The following RAB28 variants were observed in gnomAD, a reference collection of about 807,000 sequenced individuals.
The protein encoded by RAB28 is ras-related protein Rab-28.
A neutral mutation model predicts 31.7 loss-of-function variants in RAB28; 24 were observed. The ratio of observed to expected loss-of-function variants is 0.76; its 90% confidence interval spans 0.55 to 1.06. RAB28 has a LOEUF of 1.06. Among genes scored for constraint, RAB28 ranks in the 50% least tolerant of loss-of-function variants. The pLI is 0.00. For missense variants in RAB28, 254 were observed against 258.5 expected, an observed-to-expected ratio of 0.98 and a Z score of 0.12; for synonymous variants, 100 against 90.4, an observed-to-expected ratio of 1.11 and a Z score of -0.60.
At chr4:13,370,632 T>G in intron 6 of RAB28, 4 of 984,636 alleles carry the variant, frequency 4.1e-6, no homozygotes, top group Non-Finnish European at 4.8e-6. Flanking sequence ...ATATGCCATT[T>G]ACAATTTTTA....
At chr4:13,446,217 A>G (rs534203812) in intron 4 of RAB28, among the ~76,000 whole-genome samples, 1 of 151,898 alleles carries the variant, frequency 6.6e-6, no homozygotes, top group Non-Finnish European at 1.5e-5. Context: ...CCCCTCCCCC[A>G]ACCAAACTTG....
intron 4 of RAB28, among the ~76,000 whole-genome samples, chr4:13,447,399 C>T (rs565486114): frequency 2.6e-5 from 4 of 152,122 alleles, no homozygotes; most frequent in African/African-American, 4.8e-5. Context: ...GCCCTGCCTG[C>T]GCCTTAGTTT....
At chr4:13,396,131 G>A (rs1402897346) in intron 4 of RAB28, among the ~76,000 whole-genome samples, 1 of 151,940 alleles carries the variant, frequency 6.6e-6, no homozygotes, top group Non-Finnish European at 1.5e-5. Flanking sequence ...CTTAAAAGAA[G>A]TAAAAGCAAA....
chr4:13,375,767 A>G lies in RAB28; in HGVS notation c.573+778T>C, dbSNP rs1166619403. On this transcript the variant is annotated intron_variant, in intron 6 of 6. Coordinates refer to ENST00000330852, the MANE Select transcript of RAB28 (RefSeq NM_001017979.3). ...TCAAATATTTGCTTCAATTGTTTTA[A>G]AACACACACACACACACACACACAC... Among the ~76,000 whole-genome samples the G allele has an allele frequency of 2.1e-5, 3 of 146,080 alleles. No individual in the cohort carries two copies. The East Asian group carries it at 5.8e-4, about 28-fold the overall frequency.
intron 3 of RAB28, among the ~76,000 whole-genome samples, chr4:13,466,136 G>A (rs1428883353): frequency 6.6e-6 from 1 of 151,850 alleles, no homozygotes; most frequent in Non-Finnish European, 1.5e-5. Context: ...AATGTATGGA[G>A]GAAAACTACA....
At chr4:13,398,491 A>G (rs998308097) in intron 4 of RAB28, among the ~76,000 whole-genome samples, 8 of 152,300 alleles carry the variant, frequency 5.3e-5, no homozygotes, top group African/African-American at 1.9e-4. Flanking sequence ...CCACAGTAAG[A>G]CTGTCGGCCG....
chr4:13,478,496 T>C (rs1289929398), intron 2 of RAB28, among the ~76,000 whole-genome samples: 8 of 151,392 alleles, frequency 5.3e-5, no homozygotes, highest in Non-Finnish European at 8.9e-5. Flanking sequence ...AGTTGTCTGA[T>C]AGATGGGGTG....
rs570892252 is a variant in RAB28 at position 13,426,297 on chromosome 4, C to T, written c.391+34402G>A. 2.6e-5 allele frequency among the ~76,000 whole-genome samples: 4 copies of T among 152,230 alleles called. No individual in the cohort carries two copies. In the South Asian group the frequency reaches 8.3e-4, roughly 32 times the overall value. ...TCTTAGTCTCAGGTTACCACCTCAT[C>T]TCATCCAATTTTATAAGCTTCACAT... On this transcript the variant is annotated intron_variant, in intron 4 of 6. Transcript: ENST00000330852.
At chr4:13,405,341 A>C (rs946860689) in intron 4 of RAB28, among the ~76,000 whole-genome samples, 2 of 152,226 alleles carry the variant, frequency 1.3e-5, no homozygotes, top group Admixed American at 6.5e-5. Context: ...AAGCTGAAAC[A>C]ATAAACATAC....
intron 4 of RAB28, among the ~76,000 whole-genome samples, chr4:13,397,724 C>G (rs529202700): frequency 5.5e-4 from 84 of 152,188 alleles, no homozygotes; most frequent in African/African-American, 1.9e-3. Context: ...CTAAACATGT[C>G]ATGAAACTTG....
chr4:13,427,484 G>A (rs116695524), intron 4 of RAB28, among the ~76,000 whole-genome samples: 126 of 152,262 alleles, frequency 8.3e-4, no homozygotes, highest in African/African-American at 2.8e-3. Context: ...GAGAAAACAA[G>A]GAGAGTATGT....
Position 13,484,320 on chromosome 4 carries a change from G to A in RAB28, c.-170C>T, listed in dbSNP as rs1243873338. 8.3e-6 allele frequency: 5 copies of A among 605,780 alleles called. No homozygotes were observed. The East Asian group carries it at 8.7e-5, about 11-fold the overall frequency. The allele number at this position is 605,780 out of a possible 1,614,324, so 37.5% of individuals were successfully genotyped here. ...AGAATCACTCGGCAAGCGCCATCTT[G>A]CCCACCTCCCCGCCCTCTGCGCGCG... On this transcript the variant is annotated 5_prime_UTR_variant, in exon 1 of 7. Coordinates refer to ENST00000330852, the MANE Select transcript of RAB28 (RefSeq NM_001017979.3).
chr4:13,402,563 G>A (rs986453379), intron 4 of RAB28, among the ~76,000 whole-genome samples: 3 of 152,034 alleles, frequency 2.0e-5, no homozygotes, highest in African/African-American at 7.2e-5. Flanking sequence ...CTTTTGATTA[G>A]TCTTTGCAAA....
rs1355248626 is a variant in RAB28, at chr4:13,368,581, T to C, written c.643A>G (p.Ser215Gly). Reference protein sequence around the residue: ...PMSRTVNPPRSSMCAVQ With the variant: ...PMSRTVNPPRGSMCAVQ Reference sequence around the variant, plus strand: ...GCTCACTGAACTGCACACATAGAGCTTCTAGGAGGGTTAACAGTCCTTGAC... The same window carrying C: ...GCTCACTGAACTGCACACATAGAGCCTCTAGGAGGGTTAACAGTCCTTGAC... The change falls in exon 7 of 7, where the codon AGC becomes GGC. Residue 215 changes from serine to glycine, a missense_variant. Transcript: ENST00000330852. 1 of 1,612,122 alleles carries C rather than the reference T, an allele frequency of 6.2e-7. No homozygotes were observed. The highest frequency in any genetic ancestry group is 8.5e-7 in the Non-Finnish European group (1 of 1,178,990).
At chr4:13,453,340 C>G (rs1265718050) in intron 4 of RAB28, among the ~76,000 whole-genome samples, 1 of 152,038 alleles carries the variant, frequency 6.6e-6, no homozygotes, top group Non-Finnish European at 1.5e-5. Context: ...TCTGTATACC[C>G]TTTGTTCCTT....
At chr4:13,456,721 T>TTTTTTTTTTTTTTTTTTTTTTTTG (rs1715321193) in intron 4 of RAB28, among the ~76,000 whole-genome samples, 2 of 152,150 alleles carry the variant, frequency 1.3e-5, no homozygotes, top group African/African-American at 4.8e-5. Flanking sequence ...TAATTCATTT[T>TTTTTTTTTTTTTTTTTTTTTTTTG]AATAACTGTA....
At chr4:13,444,062 G>A (rs1714564580) in intron 4 of RAB28, among the ~76,000 whole-genome samples, 1 of 145,008 alleles carries the variant, frequency 6.9e-6, no homozygotes, top group Admixed American at 7.1e-5. Flanking sequence ...GAGTCTCGCT[G>A]TGTCACCCAG....
intron 4 of RAB28, among the ~76,000 whole-genome samples, chr4:13,443,630 A>C (rs1183077409): frequency 1.3e-5 from 2 of 152,220 alleles, no homozygotes; most frequent in African/African-American, 4.8e-5. Flanking sequence ...GTAAACAATT[A>C]AATCAACCTA....
intron 4 of RAB28, among the ~76,000 whole-genome samples, chr4:13,448,235 A>T (rs534773075): frequency 1.3e-5 from 2 of 152,260 alleles, no homozygotes; most frequent in East Asian, 3.9e-4. Flanking sequence ...TTTCACAAAG[A>T]AATGTTTCTA....
Sources: allele counts gnomAD v4.1 joint callset (sites outside exome capture counted in the v4.1 genomes callset), GRCh38; gene constraint gnomAD v4.1.1; transcripts MANE v1.5; gene names NCBI Gene and HGNC (gene_info 2026-07-23, HGNC 2026-07-21).